The following KCNC1 variants were observed in gnomAD, a reference collection of about 807,000 sequenced individuals.
KCNC1 encodes potassium voltage-gated channel subfamily C member 1.
KCNC1 carries 8 observed loss-of-function variants against 43.4 expected under a neutral mutation model. The ratio of observed to expected loss-of-function variants is 0.18; its 90% CI spans 0.11 to 0.33. The LOEUF is 0.33. Among genes scored for constraint, KCNC1 ranks in the 10% least tolerant of loss-of-function variants. The probability of loss-of-function intolerance (pLI) is 1.00; values close to 1 mark genes in which losing one functional copy is unlikely to be tolerated. For missense variants in KCNC1, 420 were observed against 836.0 expected (o/e 0.50, Z 6.14); for synonymous variants, 361 against 360.5 (o/e 1.00, Z -0.01).
intron 1 of KCNC1, among the ~76,000 whole-genome samples, chr11:17,770,943 C>A (rs1849218332): frequency 6.6e-6 from 1 of 152,224 alleles, no homozygotes; most frequent in Admixed American, 6.5e-5. Flanking sequence ...AAAGATCATT[C>A]AGCCTCTATT....
rs1177923800 is a variant in KCNC1 at position 17,776,503 on chromosome 11, C to T, written c.1505-2953C>T. The T allele has an allele frequency of 4.1e-6, 4 of 985,478 alleles. No individual in the cohort carries two copies. The highest frequency in any genetic ancestry group is 4.8e-6 in the Non-Finnish European group (4 of 829,962). The allele number at this position is 985,478 out of a possible 1,614,324, so 61.0% of individuals were successfully genotyped here. A position where few individuals can be genotyped will look rare whatever the true frequency, so the allele number is the denominator to read the frequency against. On this transcript the variant is annotated intron_variant, in intron 2 of 3. Coordinates refer to ENST00000265969, the MANE Select transcript of KCNC1 (RefSeq NM_001112741.2). This position sits in a 1 kb window ranked among gnomAD's most constrained non-coding sequence, Gnocchi z 4.4. Reference sequence around the variant, plus strand: ...GCTGTGCTGACTGAGGGCCCAGCCTCGGGTTCTCCTTGCTCCAAAGTTTAA... The same window carrying T: ...GCTGTGCTGACTGAGGGCCCAGCCTTGGGTTCTCCTTGCTCCAAAGTTTAA...
intron 1 of KCNC1, among the ~76,000 whole-genome samples, chr11:17,745,403 C>G (rs911301923): frequency 1.3e-5 from 2 of 152,178 alleles, no homozygotes; most frequent in Non-Finnish European, 2.9e-5. Context: ...CTTCATGTTT[C>G]AAGTACACTC....
chr11:17,735,999 C>A lies in KCNC1; in HGVS notation c.-4C>A. ...GGCCGCGCCATGCCTAAGGGGGCGC[C>A]GCGATGGGCCAAGGGGACGAGAGCG... On this transcript the variant is annotated 5_prime_UTR_variant, in exon 1 of 4. Transcript: ENST00000265969. The surrounding 1 kb of genome is among the most constrained non-coding windows in gnomAD (Gnocchi z 6.7). 1.4e-6 allele frequency: 2 copies of A among 1,454,126 alleles called. No individual in the cohort carries two copies. The highest frequency in any genetic ancestry group is 1.8e-6 in the Non-Finnish European group (2 of 1,106,856). The allele number at this position is 1,454,126 out of a possible 1,614,324, so 90.1% of individuals were successfully genotyped here.
At chr11:17,741,922 C>T (rs1415872292) in intron 1 of KCNC1, among the ~76,000 whole-genome samples, 3 of 152,228 alleles carry the variant, frequency 2.0e-5, no homozygotes, top group African/African-American at 4.8e-5. Context: ...CCTTCCCGGG[C>T]CCCTAGGCTG....
At position 17,771,469 on chromosome 11, in the gene KCNC1, C is replaced by T. The variant is rs924336816; in HGVS notation, c.571-196C>T. 2.0e-5 allele frequency among the ~76,000 whole-genome samples: 3 copies of T among 152,154 alleles called. No homozygotes were observed. The highest frequency in any genetic ancestry group is 1.9e-4 in the East Asian group (1 of 5,192). ...AGGGGGAAGAAGACAGCATGGAAGG[C>T]GGAGTAGGAGGGTTTTAGAGCCTGC... On this transcript the variant is annotated intron_variant, in intron 1 of 3. Transcript: ENST00000265969. This position sits in a 1 kb window ranked among gnomAD's most constrained non-coding sequence, Gnocchi z 4.7.
rs33931057 is a variant in KCNC1, at chr11:17,766,967, C to CAAA, written c.571-4683_571-4681dup. 4.4e-3 allele frequency among the ~76,000 whole-genome samples: 591 copies of CAAA among 133,232 alleles called. 6 individuals carry two copies. Among genetic ancestry groups the CAAA allele is most frequent in the Middle Eastern group, 0.012 (3 of 260 alleles). The allele number at this position is 133,232 out of a possible 152,430, so 87.4% of individuals were successfully genotyped here. On this transcript the variant is annotated intron_variant, in intron 1 of 3. Transcript: ENST00000265969. ...AAACCCCATCTCTACTAAAAAATAC[C>CAAA]AAAAAAAAAAAAAAAAATTAGCCGG... is the stretch of plus-strand genomic sequence containing the variant.
At chr11:17,757,779 C>A (rs1032656016) in intron 1 of KCNC1, among the ~76,000 whole-genome samples, 1 of 152,150 alleles carries the variant, frequency 6.6e-6, no homozygotes, top group African/African-American at 2.4e-5. Flanking sequence ...TAAAAATGTA[C>A]ATATCTTAAT....
intron 1 of KCNC1, among the ~76,000 whole-genome samples, chr11:17,764,124 GAC>G (rs201551375): frequency 2.8e-4 from 26 of 91,562 alleles, no homozygotes; most frequent in African/African-American, 1.0e-3. Flanking sequence ...CGTCTCCATA[GAC>G]ACACACACAC....
At position 17,736,161 on chromosome 11, in the gene KCNC1, C is replaced by A. The variant is rs1393327105; in HGVS notation, c.159C>A (p.Asp53Glu). The A allele has an allele frequency of 1.2e-6, 2 of 1,613,410 alleles. No individual in the cohort carries two copies. The highest frequency in any genetic ancestry group is 2.7e-5 in the African/African-American group (2 of 74,922). Residue 53 changes from aspartate to glutamate, a missense_variant, in exon 1 of 4, where the codon GAC becomes GAA. By Grantham distance (45) the Asp-to-Glu change is conservative. Coordinates refer to ENST00000265969, the MANE Select transcript of KCNC1 (RefSeq NM_001112741.2). The surrounding 1 kb of genome is among the most constrained non-coding windows in gnomAD (Gnocchi z 9.3). ...ACTTCGACTATGACCCGCGTGCTGA[C>A]GAGTTCTTCTTCGACCGCCACCCCG... Reference protein sequence around the residue: ...HSHFDYDPRADEFFFDRHPGV... With the variant: ...HSHFDYDPRAEEFFFDRHPGV...
intron 1 of KCNC1, among the ~76,000 whole-genome samples, chr11:17,760,401 A>G (rs1849064523): frequency 6.6e-6 from 1 of 152,176 alleles, no homozygotes; most frequent in Admixed American, 6.5e-5. Flanking sequence ...TAAGATGCTA[A>G]TGGGAGAGGG....
intron 1 of KCNC1, among the ~76,000 whole-genome samples, chr11:17,758,696 A>G (rs1045619039): frequency 1.3e-5 from 2 of 152,236 alleles, no homozygotes; most frequent in Non-Finnish European, 2.9e-5. Flanking sequence ...TGCATTGTCA[A>G]TGAGCAATAA....
At chr11:17,757,522 C>T (rs764532635) in intron 1 of KCNC1, among the ~76,000 whole-genome samples, 29 of 152,188 alleles carry the variant, frequency 1.9e-4, no homozygotes, top group Non-Finnish European at 7.3e-5. Flanking sequence ...GCCTCGTGAA[C>T]TTCCCATCAC....
At position 17,768,621 on chromosome 11, in the gene KCNC1, G is replaced by C. The variant is rs540288220; in HGVS notation, c.571-3044G>C. ...GGAGAATGGATGTTGGTGGGGGGGGGGGCGGTTTGGGAATGGGATGTCCTG... is the reference window on the plus strand; with the variant it reads ...GGAGAATGGATGTTGGTGGGGGGGGCGGCGGTTTGGGAATGGGATGTCCTG... On this transcript the variant is annotated intron_variant, in intron 1 of 3. Transcript: ENST00000265969. Among the ~76,000 whole-genome samples the C allele has an allele frequency of 4.5e-4, 69 of 151,882 alleles. 1 individual carries two copies. Among genetic ancestry groups the C allele is most frequent in the African/African-American group, 1.6e-3 (65 of 41,458 alleles).
rs1848758386 is a variant in KCNC1 at position 17,735,843 on chromosome 11, G to A, written c.-160G>A. On this transcript the variant is annotated 5_prime_UTR_variant, in exon 1 of 4. Coordinates refer to ENST00000265969, the MANE Select transcript of KCNC1 (RefSeq NM_001112741.2). This position sits in a 1 kb window ranked among gnomAD's most constrained non-coding sequence, Gnocchi z 6.7. ...CCGACAAAGCGCCCGGAGAGGCTTGGCTCGCTCGTTGGGGTGGCCAGAGCC... is the reference window on the plus strand; with the variant it reads ...CCGACAAAGCGCCCGGAGAGGCTTGACTCGCTCGTTGGGGTGGCCAGAGCC... The A allele has an allele frequency of 1.4e-5, 11 of 783,706 alleles. No individual in the cohort carries two copies. Among genetic ancestry groups the A allele is most frequent in the Non-Finnish European group, 3.7e-6 (2 of 541,100 alleles). The allele number at this position is 783,706 out of a possible 1,614,324, so 48.5% of individuals were successfully genotyped here.
intron 1 of KCNC1, among the ~76,000 whole-genome samples, chr11:17,746,273 C>A (rs1020434136): frequency 2.6e-5 from 4 of 152,246 alleles, no homozygotes; most frequent in African/African-American, 9.6e-5. Context: ...GCTGGTGTCA[C>A]CACCCAGGCC....
chr11:17,769,659 T>C (rs1849199703), intron 1 of KCNC1, among the ~76,000 whole-genome samples: 1 of 151,620 alleles, frequency 6.6e-6, no homozygotes, highest in Admixed American at 6.6e-5. Context: ...CTGGACAACA[T>C]AGAGAGACCC....
intron 3 of KCNC1, chr11:17,780,325 TTGGCGAAGGCTGAGGCTGCTGG>T (rs1565165196): frequency 6.6e-6 from 1 of 152,660 alleles, no homozygotes; most frequent in Admixed American, 6.5e-5. Context: ...CCTCTTGTGG[TTGGCGAAGGCTGAGGCTGCTGG>T]TGGCCCCTGC....
intron 1 of KCNC1, among the ~76,000 whole-genome samples, chr11:17,745,490 C>A (rs1317375725): frequency 6.6e-6 from 1 of 152,200 alleles, no homozygotes; most frequent in African/African-American, 2.4e-5. Flanking sequence ...GAGTTCTTCT[C>A]TCAGCCCCAG....
In KCNC1 at chr11:17,739,683, G is replaced by T. The variant is rs1214797789; in HGVS notation, c.570+3111G>T. Among the ~76,000 whole-genome samples, 4 of 151,524 alleles carry T rather than the reference G, an allele frequency of 2.6e-5. No homozygotes were observed. Among genetic ancestry groups the T allele is most frequent in the Non-Finnish European group, 5.9e-5 (4 of 67,948 alleles). ...AGCTCATGTGTGAGTCTGTGTGTGT[G>T]TGTGTGTGTGTGTGTGTGTACATGC... On this transcript the variant is annotated intron_variant, in intron 1 of 3. Transcript: ENST00000265969. The surrounding 1 kb of genome is among the most constrained non-coding windows in gnomAD (Gnocchi z 4.2).
Sources: gnomAD v4.1 joint callset for allele counts (sites outside exome capture counted in the v4.1 genomes callset) on GRCh38, gnomAD v4.1.1 for gene constraint, Gnocchi (gnomAD v3.1) non-coding constraint, MANE v1.5 for transcripts, NCBI Gene and HGNC (gene_info 2026-07-23, HGNC 2026-07-21) for gene names.